MAP2: variants seen among roughly 807,000 people sequenced by gnomAD.
MAP2 encodes microtubule-associated protein 2.
Under a neutral mutation model 137.6 loss-of-function variants are expected in MAP2, and 14 were observed. The ratio of observed to expected loss-of-function variants is 0.10; its 90% CI spans 0.07 to 0.16. MAP2 has a LOEUF of 0.16. MAP2 is among the 10% of genes least tolerant of loss of function. MAP2 has a pLI of 1.00. For missense variants in MAP2, 2,088 were observed against 2,191.5 expected (o/e 0.95, Z 0.94); for synonymous variants, 786 against 782.3 (o/e 1.00, Z -0.08).
intron 13 of MAP2, among the ~76,000 whole-genome samples, chr2:209,717,456 A>C (rs1386926147): frequency 6.6e-6 from 1 of 152,206 alleles, no homozygotes; most frequent in Non-Finnish European, 1.5e-5. Context: ...ACACAAATCC[A>C]AATCATATTG....
intron 2 of MAP2, among the ~76,000 whole-genome samples, chr2:209,573,298 G>GGTTTTTT (rs770132978): frequency 1.7e-5 from 2 of 120,070 alleles, no homozygotes; most frequent in African/African-American, 6.6e-5. Flanking sequence ...TTCTTTTTCT[G>GGTTTTTT]TTTTTTTTTT....
At chr2:209,682,190 A>G (rs2054889564) in intron 7 of MAP2, among the ~76,000 whole-genome samples, 1 of 152,154 alleles carries the variant, frequency 6.6e-6, no homozygotes, top group African/African-American at 2.4e-5. Flanking sequence ...ACTAGTGAAC[A>G]AAACAGACAT....
intron 1 of MAP2, among the ~76,000 whole-genome samples, chr2:209,483,495 G>A (rs1333876757): frequency 1.3e-5 from 2 of 152,198 alleles, no homozygotes; most frequent in East Asian, 1.9e-4. Flanking sequence ...GATCCTTTGA[G>A]ACTACTAGTT....
At chr2:209,613,336 T>C (rs940470831) in intron 3 of MAP2, among the ~76,000 whole-genome samples, 3 of 152,072 alleles carry the variant, frequency 2.0e-5, no homozygotes, top group African/African-American at 4.8e-5. Flanking sequence ...GGCTCTCTGT[T>C]TGGAATTAAC....
chr2:209,733,628 A>G lies in MAP2; in HGVS notation c.*3231A>G, dbSNP rs1418599459. On this transcript the variant is annotated 3_prime_UTR_variant, in exon 16 of 16. Transcript: ENST00000682079. Reference sequence around the variant, plus strand: ...AGTTTTCTTCTATTTTTCAAGCCACAATAAGGAAAATAAACTACTCATGGT... The same window carrying G: ...AGTTTTCTTCTATTTTTCAAGCCACGATAAGGAAAATAAACTACTCATGGT... 6.6e-6 allele frequency: 1 copy of G among 152,166 alleles called. No individual in the cohort carries two copies. The highest frequency in any genetic ancestry group is 6.5e-5 in the Admixed American group (1 of 15,270). 9.4% of individuals were successfully genotyped at this position (152,166 alleles called of 1,614,324 possible). A position where few individuals can be genotyped will look rare whatever the true frequency, so the allele number is the denominator to read the frequency against.
At chr2:209,440,305 A>G (rs959177350) in intron 1 of MAP2, among the ~76,000 whole-genome samples, 5 of 151,566 alleles carry the variant, frequency 3.3e-5, no homozygotes, top group Non-Finnish European at 7.4e-5. Flanking sequence ...TCCTATACCA[A>G]AAAGGAAATG....
At chr2:209,613,669 T>G (rs1279213309) in intron 3 of MAP2, among the ~76,000 whole-genome samples, 1 of 152,166 alleles carries the variant, frequency 6.6e-6, no homozygotes, top group Admixed American at 6.6e-5. Flanking sequence ...ACTTTTTTAT[T>G]GTAGTATAGT....
At chr2:209,703,952 T>C (rs1396220321) in intron 11 of MAP2, 6 of 455,240 alleles carry the variant, frequency 1.3e-5, no homozygotes, top group South Asian at 9.3e-5. Flanking sequence ...TGTGTTTTAT[T>C]TGTATAACAG....
At chr2:209,545,772 A>G (rs1278032337) in intron 2 of MAP2, among the ~76,000 whole-genome samples, 1 of 152,180 alleles carries the variant, frequency 6.6e-6, no homozygotes, top group Non-Finnish European at 1.5e-5. Context: ...TAAATTATGG[A>G]TTGAATGTGA....
intron 10 of MAP2, among the ~76,000 whole-genome samples, chr2:209,698,084 G>A (rs527628531): frequency 2.6e-5 from 4 of 151,456 alleles, no homozygotes; most frequent in East Asian, 1.9e-4. Flanking sequence ...TCCTGACCTC[G>A]TGATCCACCT....
At chr2:209,691,129 AT>A (rs2058748793) in intron 7 of MAP2, among the ~76,000 whole-genome samples, 3 of 148,586 alleles carry the variant, frequency 2.0e-5, no homozygotes, top group Admixed American at 6.7e-5. Context: ...TTTTTATTTT[AT>A]TTTTTTACCC....
At chr2:209,690,127 G>A (rs1024975684) in intron 7 of MAP2, among the ~76,000 whole-genome samples, 1 of 152,034 alleles carries the variant, frequency 6.6e-6, no homozygotes, top group Non-Finnish European at 1.5e-5. Flanking sequence ...TAAAGCAGCC[G>A]GGAATTCTTA....
At chr2:209,435,101 G>A (rs1031859059) in intron 1 of MAP2, among the ~76,000 whole-genome samples, 2 of 150,718 alleles carry the variant, frequency 1.3e-5, no homozygotes, top group Admixed American at 6.7e-5. Flanking sequence ...ATTAATGAAA[G>A]AGCTTTAAAA....
intron 4 of MAP2, among the ~76,000 whole-genome samples, chr2:209,650,947 T>C (rs1386988490): frequency 6.6e-6 from 1 of 152,162 alleles, no homozygotes; most frequent in Admixed American, 6.5e-5. Context: ...AATTAAGCTC[T>C]TTGGTAAAAC....
At chr2:209,553,300 C>T (rs767256288) in intron 2 of MAP2, among the ~76,000 whole-genome samples, 1 of 151,994 alleles carries the variant, frequency 6.6e-6, no homozygotes, top group South Asian at 2.1e-4. Flanking sequence ...TGTGAGCCAC[C>T]GCGCCCAGCC....
intron 3 of MAP2, among the ~76,000 whole-genome samples, chr2:209,612,880 T>C (rs2087475008): frequency 1.3e-5 from 2 of 152,158 alleles, no homozygotes; most frequent in African/African-American, 4.8e-5. Flanking sequence ...ATCCTTATCT[T>C]TTGGTTTAGC....
At chr2:209,686,209 C>A (rs1313736585) in intron 7 of MAP2, among the ~76,000 whole-genome samples, 1 of 152,180 alleles carries the variant, frequency 6.6e-6, no homozygotes, top group African/African-American at 2.4e-5. Flanking sequence ...TTATTTTAGG[C>A]TTCTGCTATC....
rs1161122022 is a variant in MAP2 at position 209,710,120 on chromosome 2, A to T, written c.4939A>T (p.Ile1647Leu). ...LVPSEKKVAI[I>L]RTPPKSPATP... ...GCCGAGTGAGAAGAAGGTCGCCATC[A>T]TACGTACTCCTCCAAAATCTCCTGC... The change falls in exon 13 of 16, where the codon ATA (isoleucine) becomes TTA (leucine). Residue 1647 changes from isoleucine to leucine, a missense_variant. By Grantham distance (5) the Ile-to-Leu change is conservative. This residue lies in a region of MAP2 where 591 missense variants were observed against 642.6 expected (regional missense o/e 0.92). Transcript: ENST00000682079. 35 of 1,613,936 alleles carry T rather than the reference A, an allele frequency of 2.2e-5. No homozygotes were observed. The highest frequency in any genetic ancestry group is 3.0e-5 in the Non-Finnish European group (35 of 1,180,026).
At chr2:209,453,007 T>G (rs994439804) in intron 1 of MAP2, among the ~76,000 whole-genome samples, 2 of 152,180 alleles carry the variant, frequency 1.3e-5, no homozygotes, top group African/African-American at 4.8e-5. Context: ...TTGCTCAAAG[T>G]TCTTATATTT....
Sources: allele counts gnomAD v4.1 joint callset (sites outside exome capture counted in the v4.1 genomes callset), GRCh38; gene constraint gnomAD v4.1.1; regional missense constraint gnomAD v4.1.1; transcripts MANE v1.5; gene names NCBI Gene and HGNC (gene_info 2026-07-23, HGNC 2026-07-21).